Variants in MEF2C observed in about 807,000 individuals in gnomAD.
The protein encoded by MEF2C is myocyte enhancer factor 2C.
Under a neutral mutation model 50.5 loss-of-function variants are expected in MEF2C, and 6 were observed. That is an observed-to-expected ratio of 0.12 (90% CI 0.07 to 0.23). The LOEUF (loss-of-function observed/expected upper bound fraction) is 0.23, where lower values mean the gene tolerates loss of function less well. Ranked by LOEUF, MEF2C falls within the 10% of genes least tolerant of loss-of-function variation. The probability of loss-of-function intolerance (pLI) is 1.00; values close to 1 mark genes in which losing one functional copy is unlikely to be tolerated. For synonymous variants in MEF2C, 183 were observed against 228.0 expected (o/e 0.80, Z 1.78); for missense variants, 276 against 605.0 (o/e 0.46, Z 5.70).
chr5:88,759,374 C>T (rs1449922425), intron 4 of MEF2C, among the ~76,000 whole-genome samples: 4 of 152,068 alleles, frequency 2.6e-5, no homozygotes, highest in African/African-American at 7.2e-5. Flanking sequence ...CCTAGCTATT[C>T]GGGAGGCTGA....
chr5:88,846,718 C>A (rs1819496140), intron 1 of MEF2C, among the ~76,000 whole-genome samples: 1 of 152,156 alleles, frequency 6.6e-6, no homozygotes, highest in Non-Finnish European at 1.5e-5. Flanking sequence ...CTTTTTTCTA[C>A]TGCATAATGA....
intron 3 of MEF2C, among the ~76,000 whole-genome samples, chr5:88,767,665 T>G (rs1332327412): frequency 6.6e-6 from 1 of 152,230 alleles, no homozygotes; most frequent in Non-Finnish European, 1.5e-5. Context: ...ATATTGTCAT[T>G]GTTTTTATTT....
intron 1 of MEF2C, among the ~76,000 whole-genome samples, chr5:88,869,251 TCATATATATATATATATATATATATA>T (rs1265835097): frequency 5.3e-5 from 4 of 76,096 alleles, no homozygotes; most frequent in South Asian, 4.1e-4. Context: ...AAACTAGTTT[TCATATATATATATATATATATATATA>T]CATATATATA....
chr5:88,733,266 C>G, intron 6 of MEF2C: 1 of 985,226 alleles, frequency 1.0e-6, no homozygotes, highest in Non-Finnish European at 1.2e-6. Flanking sequence ...GTTTAAAGAG[C>G]ATGGTAAGGG....
intron 4 of MEF2C, chr5:88,752,531 A>G (rs1320743217): frequency 3.5e-6 from 3 of 860,874 alleles, no homozygotes; most frequent in Non-Finnish European, 2.8e-6. Context: ...TACCTTAATT[A>G]TCATTTTTTA....
intron 2 of MEF2C, among the ~76,000 whole-genome samples, chr5:88,807,954 C>T (rs1470041473): frequency 6.6e-6 from 1 of 152,130 alleles, no homozygotes; most frequent in African/African-American, 2.4e-5. Flanking sequence ...TTTTCACCTT[C>T]TATTTCATCT....
chr5:88,746,498 C>T, intron 6 of MEF2C: 1 of 983,052 alleles, frequency 1.0e-6, no homozygotes, highest in Non-Finnish European at 1.2e-6. Flanking sequence ...ACTGCAGCTG[C>T]TAAAAAGTAA....
intron 1 of MEF2C, among the ~76,000 whole-genome samples, chr5:88,846,070 CT>C (rs869122348): frequency 0.01 from 1,460 of 139,934 alleles, 8 homozygotes; most frequent in African/African-American, 0.016. Flanking sequence ...TACTTCAAGT[CT>C]TTTTTTTTTT....
intron 2 of MEF2C, among the ~76,000 whole-genome samples, chr5:88,809,178 A>ATC (rs1354872667): frequency 6.6e-6 from 1 of 152,158 alleles, no homozygotes; most frequent in African/African-American, 2.4e-5. Context: ...ATCCTAGAGT[A>ATC]AGGACAGATA....
chr5:88,859,954 AT>A (rs1446845685), intron 1 of MEF2C, among the ~76,000 whole-genome samples: 2 of 152,226 alleles, frequency 1.3e-5, no homozygotes, highest in African/African-American at 4.8e-5. Flanking sequence ...GCAATTCATG[AT>A]AAAGTTTCTT....
chr5:88,737,805 C>A lies in MEF2C; in HGVS notation c.638-5904G>T, dbSNP rs528071957. ...AAAAAGAAGGCTTGGCTAACATGAACCTCTAAGATTATGTTAACTTTACAC... is the reference window on the plus strand; with the variant it reads ...AAAAAGAAGGCTTGGCTAACATGAAACTCTAAGATTATGTTAACTTTACAC... On this transcript the variant is annotated intron_variant, in intron 6 of 10. Transcript: ENST00000504921. 1.4e-4 allele frequency: 141 copies of A among 985,332 alleles called. 5 individuals carry two copies. In the South Asian group the frequency reaches 6.2e-3, roughly 43 times the overall value. 61.0% of individuals were successfully genotyped at this position (985,332 alleles called of 1,614,324 possible). A position where few individuals can be genotyped will look rare whatever the true frequency, so the allele number is the denominator to read the frequency against.
chr5:88,852,914 C>CAA (rs1424404996), intron 1 of MEF2C, among the ~76,000 whole-genome samples: 1 of 118,674 alleles, frequency 8.4e-6, no homozygotes, highest in African/African-American at 3.2e-5. Flanking sequence ...GACTCTGTCT[C>CAA]AAAAAAAAAA....
chr5:88,834,099 G>T (rs1232407214), intron 1 of MEF2C, among the ~76,000 whole-genome samples: 1 of 152,116 alleles, frequency 6.6e-6, no homozygotes, highest in Non-Finnish European at 1.5e-5. Flanking sequence ...ACATGCTGGG[G>T]CTGTGTAACA....
chr5:88,879,745 A>T (rs1021214052), intron 1 of MEF2C, among the ~76,000 whole-genome samples: 2 of 152,142 alleles, frequency 1.3e-5, no homozygotes, highest in Admixed American at 1.3e-4. Context: ...CTCTTACTTC[A>T]CTACTGAAAG....
At chr5:88,824,049 A>C (rs1581241532) in intron 1 of MEF2C, 119 bp from the exon 2 acceptor site, 1 of 1,049,552 alleles carries the variant, frequency 9.5e-7, no homozygotes, top group Non-Finnish European at 1.2e-6. Context: ...AAAATGAATA[A>C]AAATAACTTT....
chr5:88,882,304 C>T (rs1473969392), intron 1 of MEF2C, among the ~76,000 whole-genome samples: 5 of 152,168 alleles, frequency 3.3e-5, no homozygotes, highest in African/African-American at 9.7e-5. Context: ...ACCTGAACAG[C>T]AATCCATATG....
rs936007053 is a variant in MEF2C at position 88,828,863 on chromosome 5, G to C, written c.-142-4933C>G. On this transcript the variant is annotated intron_variant, in intron 1 of 10. Coordinates refer to ENST00000504921, the MANE Select transcript of MEF2C (RefSeq NM_002397.5). The stretch of plus-strand genomic sequence containing the variant: ...GATGCTCGACTGCGTGATGTCTTGA[G>C]TTGAGGAGGATTTCTTTGGCCTTGA... Among the ~76,000 whole-genome samples the C allele has an allele frequency of 8.2e-4, 125 of 152,044 alleles. 1 individual carries two copies. Among genetic ancestry groups the C allele is most frequent in the African/African-American group, 2.9e-3 (119 of 41,508 alleles).
chr5:88,816,027 C>T (rs1581143686), intron 2 of MEF2C, among the ~76,000 whole-genome samples: 1 of 151,888 alleles, frequency 6.6e-6, no homozygotes, highest in African/African-American at 2.4e-5. Flanking sequence ...TAAATAAAAG[C>T]ATCAGATTCT....
intron 6 of MEF2C, chr5:88,734,500 A>G: frequency 1.0e-6 from 1 of 981,532 alleles, no homozygotes; most frequent in Non-Finnish European, 1.2e-6. Context: ...TTGTCCTGTG[A>G]TATGACAAGC....
Sources: allele counts gnomAD v4.1 joint callset (sites outside exome capture counted in the v4.1 genomes callset), GRCh38; gene constraint gnomAD v4.1.1; transcripts MANE v1.5; gene names NCBI Gene and HGNC (gene_info 2026-07-23, HGNC 2026-07-21).